The following DPP6 variants were observed in gnomAD, a reference collection of about 807,000 sequenced individuals.
The protein encoded by DPP6 is dipeptidyl peptidase like 6, also known as A-type potassium channel modulatory protein DPP6.
In DPP6, 69 loss-of-function variants were observed where a neutral mutation model predicts 122.6. The observed-to-expected ratio is 0.56, with a 90% CI of 0.46 to 0.69. The LOEUF (loss-of-function observed/expected upper bound fraction) is 0.69. Ranked by LOEUF, DPP6 falls within the 30% of genes least tolerant of loss-of-function variation. DPP6 has a pLI of 0.00. For synonymous variants in DPP6, 418 were observed against 433.1 expected, an observed-to-expected ratio of 0.97 and a Z score of 0.43; for missense variants, 928 against 1,116.9, an observed-to-expected ratio of 0.83 and a Z score of 2.41.
At chr7:154,737,475 T>C (rs982814772) in intron 8 of DPP6, among the ~76,000 whole-genome samples, 2 of 152,228 alleles carry the variant, frequency 1.3e-5, no homozygotes, top group African/African-American at 2.4e-5. Context: ...TGTAATATTT[T>C]TTATGGTCAC....
At chr7:154,698,816 C>T (rs1283036331) in intron 7 of DPP6, among the ~76,000 whole-genome samples, 1 of 152,206 alleles carries the variant, frequency 6.6e-6, no homozygotes, top group African/African-American at 2.4e-5. Flanking sequence ...CGTAGCGGAG[C>T]CCCTGATGCC....
Position 154,425,619 on chromosome 7 carries a change from TGG to T in DPP6, c.244-20593_244-20592del, listed in dbSNP as rs1491181265. Reference sequence around the variant, plus strand: ...GGGGAAAAAAATGTGTGTGTGTGTGTGGGTGTGTGTGTGTGTGTGTGTGTGTG... The same window carrying T: ...GGGGAAAAAAATGTGTGTGTGTGTGTGTGTGTGTGTGTGTGTGTGTGTGTG... On this transcript the variant is annotated intron_variant, in intron 1 of 25. Transcript: ENST00000377770. Among the ~76,000 whole-genome samples the T allele has an allele frequency of 3.8e-3, 397 of 103,206 alleles. 2 individuals carry two copies. The highest frequency in any genetic ancestry group is 0.021 in the African/African-American group (373 of 17,446). The allele number at this position is 103,206 out of a possible 152,430, so 67.7% of individuals were successfully genotyped here.
chr7:153,882,032 T>G, the DPP6 span, among the ~76,000 whole-genome samples: 3 of 152,208 alleles, frequency 2.0e-5, no homozygotes, highest in Non-Finnish European at 1.5e-5. Flanking sequence ...ATCTATCACA[T>G]GTCATCAAGC....
At chr7:154,878,858 A>G (rs1275245091) in intron 20 of DPP6, among the ~76,000 whole-genome samples, 1 of 152,114 alleles carries the variant, frequency 6.6e-6, no homozygotes, top group Non-Finnish European at 1.5e-5. Context: ...ACACACAGAC[A>G]CCCTGGGTCA....
intron 1 of DPP6, among the ~76,000 whole-genome samples, chr7:154,163,346 G>A (rs1442903540): frequency 6.6e-6 from 1 of 152,086 alleles, no homozygotes; most frequent in Admixed American, 6.5e-5. Context: ...CTCATGTTTG[G>A]GGTTTGTACT....
intron 3 of DPP6, among the ~76,000 whole-genome samples, chr7:154,518,790 G>T (rs1826739120): frequency 6.6e-6 from 1 of 152,172 alleles, no homozygotes; most frequent in Non-Finnish European, 1.5e-5. Context: ...GGTGAACCCA[G>T]ATATGGTTCT....
At chr7:154,860,904 G>C (rs1180475844) in intron 17 of DPP6, among the ~76,000 whole-genome samples, 4 of 152,214 alleles carry the variant, frequency 2.6e-5, no homozygotes, top group African/African-American at 7.2e-5. Flanking sequence ...ACCCATTTCA[G>C]ACCTGGAGAT....
intron 1 of DPP6, among the ~76,000 whole-genome samples, chr7:154,440,013 G>A (rs1365319839): frequency 6.6e-6 from 1 of 152,136 alleles, no homozygotes; most frequent in African/African-American, 2.4e-5. Context: ...GGGGAAGAGG[G>A]GCACCCGCAG....
intron 16 of DPP6, among the ~76,000 whole-genome samples, chr7:154,819,610 T>G (rs777171598): frequency 1.3e-4 from 20 of 152,180 alleles, no homozygotes; most frequent in Non-Finnish European, 2.5e-4. Context: ...TGGTATTTCC[T>G]AAAGAATATC....
intron 12 of DPP6, among the ~76,000 whole-genome samples, chr7:154,797,883 C>G (rs761018924): frequency 6.6e-6 from 1 of 152,170 alleles, no homozygotes; most frequent in Non-Finnish European, 1.5e-5. Flanking sequence ...ATGAGATGTT[C>G]ACGTTACATC....
At chr7:154,538,089 TA>T (rs1424060186) in intron 3 of DPP6, among the ~76,000 whole-genome samples, 1 of 151,988 alleles carries the variant, frequency 6.6e-6, no homozygotes, top group East Asian at 1.9e-4. Context: ...AAATATGTGA[TA>T]AAACTGTTAA....
chr7:154,642,474 C>G (rs972206830), intron 6 of DPP6, among the ~76,000 whole-genome samples: 1 of 151,962 alleles, frequency 6.6e-6, no homozygotes, highest in Non-Finnish European at 1.5e-5. Context: ...CCTGTAATCC[C>G]AGCTACTCAG....
rs117134414 is a variant in DPP6, at chr7:154,182,707, C to T, written c.243+129644C>T. ...ACTAGGAAGAGGCTTTGTGCTGTGT[C>T]TCTCGGTGTGCTATTAATATGTGAG... On this transcript the variant is annotated intron_variant, in intron 1 of 25. Transcript: ENST00000377770. Among the ~76,000 whole-genome samples, 467 of 152,156 alleles carry T rather than the reference C, an allele frequency of 3.1e-3. 3 individuals are homozygous for T. Among genetic ancestry groups the T allele is most frequent in the Non-Finnish European group, 5.4e-3 (366 of 68,002 alleles).
At chr7:154,769,389 C>A in intron 8 of DPP6, 28 bp from the exon 9 acceptor site, 1 of 1,612,206 alleles carries the variant, frequency 6.2e-7, no homozygotes, top group South Asian at 1.1e-5. Flanking sequence ...TGTTACTATT[C>A]ACATTTCTCT....
chr7:154,062,087 C>A lies in DPP6; in HGVS notation c.243+9024C>A, dbSNP rs1287662541. ...TGGTTCCCCCACTGGCTCTTAGGAC[C>A]CCCATCGCAGAGGGGGGACGCACCC... is the stretch of plus-strand genomic sequence containing the variant. On this transcript the variant is annotated intron_variant, in intron 1 of 25. Transcript: ENST00000377770. Among the ~76,000 whole-genome samples, 9 of 110,098 alleles carry A rather than the reference C, an allele frequency of 8.2e-5. 2 individuals carry two copies. The highest frequency in any genetic ancestry group is 3.8e-4 in the South Asian group (1 of 2,640). 72.2% of individuals were successfully genotyped at this position (110,098 alleles called of 152,430 possible).
At chr7:154,177,747 G>A (rs962711821) in intron 1 of DPP6, among the ~76,000 whole-genome samples, 2 of 152,198 alleles carry the variant, frequency 1.3e-5, no homozygotes, top group Non-Finnish European at 2.9e-5. Flanking sequence ...GGCAATGATG[G>A]TAATAAGAAT....
intron 7 of DPP6, among the ~76,000 whole-genome samples, chr7:154,703,586 T>C: frequency 7.0e-6 from 1 of 142,524 alleles, no homozygotes. Context: ...GCCATGGCAC[T>C]CCAGCCTGAG....
intron 1 of DPP6, among the ~76,000 whole-genome samples, chr7:154,069,541 TTTG>T (rs1253463886): frequency 6.6e-6 from 1 of 151,808 alleles, no homozygotes; most frequent in African/African-American, 2.4e-5. Context: ...AGCACAGTAT[TTTG>T]TTTTTTCAAA....
intron 7 of DPP6, among the ~76,000 whole-genome samples, chr7:154,711,047 G>T (rs910303596): frequency 6.6e-6 from 1 of 152,216 alleles, no homozygotes; most frequent in East Asian, 1.9e-4. Flanking sequence ...AAGAGAAGCC[G>T]TGGAATAGAG....
Sources: allele counts gnomAD v4.1 joint callset (sites outside exome capture counted in the v4.1 genomes callset), GRCh38; gene constraint gnomAD v4.1.1; transcripts MANE v1.5; gene names NCBI Gene and HGNC (gene_info 2026-07-23, HGNC 2026-07-21).